Variants in MAGI1 observed in about 807,000 individuals in gnomAD.
MAGI1 encodes membrane associated guanylate kinase, WW and PDZ domain containing 1.
A neutral mutation model predicts 139.9 loss-of-function variants in MAGI1; 58 were observed. The ratio of observed to expected loss-of-function variants is 0.41; its 90% CI spans 0.34 to 0.52. MAGI1 has a LOEUF of 0.52. Ranked by LOEUF, MAGI1 falls within the 20% of genes least tolerant of loss-of-function variation. The probability of loss-of-function intolerance (pLI) is 0.12; values close to 1 mark genes in which losing one functional copy is unlikely to be tolerated. For synonymous variants in MAGI1, 812 were observed against 737.9 expected (o/e 1.10, Z -1.63); for missense variants, 1,874 against 1,901.6 (o/e 0.99, Z 0.27).
chr3:65,730,160 T>C (rs2034039183), intron 1 of MAGI1, among the ~76,000 whole-genome samples: 1 of 152,176 alleles, frequency 6.6e-6, no homozygotes, highest in Non-Finnish European at 1.5e-5. Flanking sequence ...TTTTAGGTGG[T>C]TTATCAGTTA....
intron 2 of MAGI1, among the ~76,000 whole-genome samples, chr3:65,520,371 G>A (rs1032437641): frequency 2.0e-5 from 3 of 152,084 alleles, no homozygotes; most frequent in Non-Finnish European, 4.4e-5. Context: ...TTGGGGTTTT[G>A]GAGCCAGAAA....
chr3:65,952,917 A>G (rs1193773504), intron 1 of MAGI1, among the ~76,000 whole-genome samples: 1 of 152,206 alleles, frequency 6.6e-6, no homozygotes, highest in Non-Finnish European at 1.5e-5. Context: ...AAACACTTTC[A>G]TAACACTTAC....
At chr3:65,432,024 A>G (rs1019138457) in intron 10 of MAGI1, among the ~76,000 whole-genome samples, 4 of 152,086 alleles carry the variant, frequency 2.6e-5, no homozygotes, top group Admixed American at 2.6e-4. Context: ...ATAAATTTAC[A>G]GATAGAGGTA....
At chr3:65,586,303 T>G (rs2081674801) in intron 2 of MAGI1, among the ~76,000 whole-genome samples, 1 of 152,080 alleles carries the variant, frequency 6.6e-6, no homozygotes, top group East Asian at 1.9e-4. Flanking sequence ...ATTATCCCAC[T>G]TACATGATAT....
chr3:65,417,811 C>G (rs1946339465), intron 12 of MAGI1, among the ~76,000 whole-genome samples: 1 of 152,118 alleles, frequency 6.6e-6, no homozygotes, highest in South Asian at 2.1e-4. Context: ...GCATTCAGAT[C>G]TGAAAATATT....
intron 12 of MAGI1, among the ~76,000 whole-genome samples, chr3:65,426,155 T>C (rs1947029518): frequency 2.0e-5 from 3 of 152,008 alleles, no homozygotes; most frequent in Non-Finnish European, 4.4e-5. Flanking sequence ...AGGGAGATGT[T>C]GATGAAGAGG....
chr3:65,640,479 C>T (rs1423139956), intron 1 of MAGI1, among the ~76,000 whole-genome samples: 1 of 152,164 alleles, frequency 6.6e-6, no homozygotes, highest in Admixed American at 6.5e-5. Context: ...CCTTTTCCCT[C>T]AGGTGTCCTC....
chr3:65,416,522 A>T (rs941698871), intron 12 of MAGI1, among the ~76,000 whole-genome samples: 2 of 152,204 alleles, frequency 1.3e-5, no homozygotes, highest in African/African-American at 4.8e-5. Context: ...ACCACACTGT[A>T]TTTTTGATGT....
intron 1 of MAGI1, among the ~76,000 whole-genome samples, chr3:65,724,472 G>A (rs942605678): frequency 2.0e-5 from 3 of 152,204 alleles, no homozygotes; most frequent in African/African-American, 7.2e-5. Context: ...ACCTGGATCA[G>A]ATAAATCTAT....
chr3:65,681,849 CT>C lies in MAGI1; in HGVS notation c.314-59762del, dbSNP rs537285901. 1.7e-4 allele frequency among the ~76,000 whole-genome samples: 26 copies of C among 152,098 alleles called. No individual in the cohort carries two copies. The South Asian group carries it at 5.2e-3, about 30-fold the overall frequency. ...GCAAGATGTTTAATAAGAGTTTTGG[CT>C]TTTTTTGTTTTTTTGTTGTTTTTTT... is the stretch of plus-strand genomic sequence containing the variant. On this transcript the variant is annotated intron_variant, in intron 1 of 22. Transcript: ENST00000402939.
intron 2 of MAGI1, among the ~76,000 whole-genome samples, chr3:65,516,883 A>G (rs1008221426): frequency 1.0e-5 from 1 of 98,700 alleles, no homozygotes; most frequent in African/African-American, 3.5e-5. Context: ...GCCCGCCACT[A>G]CGCCCGGCTA....
chr3:65,424,810 G>C (rs1175035425), intron 12 of MAGI1, among the ~76,000 whole-genome samples: 1 of 152,084 alleles, frequency 6.6e-6, no homozygotes, highest in African/African-American at 2.4e-5. Context: ...AACTAGAAGG[G>C]ACCGTAGAGG....
chr3:65,508,835 A>G (rs570727985), intron 2 of MAGI1, among the ~76,000 whole-genome samples: 31 of 152,318 alleles, frequency 2.0e-4, no homozygotes, highest in East Asian at 3.9e-4. Context: ...TTATCACACA[A>G]TGCTTACTGG....
chr3:65,418,768 C>T (rs541037925), intron 12 of MAGI1, among the ~76,000 whole-genome samples: 12 of 152,286 alleles, frequency 7.9e-5, no homozygotes, highest in African/African-American at 2.4e-4. Flanking sequence ...CAGATCTTCT[C>T]GAACAGCTTA....
intron 1 of MAGI1, among the ~76,000 whole-genome samples, chr3:65,983,186 A>G (rs956632448): frequency 6.6e-6 from 1 of 152,206 alleles, no homozygotes; most frequent in Admixed American, 6.5e-5. Flanking sequence ...AAAGTTCAAG[A>G]CACATCATAA....
chr3:65,945,722 C>A (rs1454572485), intron 1 of MAGI1, among the ~76,000 whole-genome samples: 1 of 152,204 alleles, frequency 6.6e-6, no homozygotes, highest in Non-Finnish European at 1.5e-5. Flanking sequence ...TCTTTTCTTG[C>A]CTATAAATTT....
chr3:65,663,876 T>G lies in MAGI1; in HGVS notation c.314-41788A>C, dbSNP rs1007963036. 1.6e-4 allele frequency among the ~76,000 whole-genome samples: 24 copies of G among 152,136 alleles called. 1 individual carries two copies. Among genetic ancestry groups the G allele is most frequent in the Admixed American group, 1.6e-3 (24 of 15,258 alleles). On this transcript the variant is annotated intron_variant, in intron 1 of 22. Coordinates refer to ENST00000402939, the MANE Select transcript of MAGI1 (RefSeq NM_001033057.2). The stretch of plus-strand genomic sequence containing the variant: ...TCTCCAGACATTGCCAGATGTCCCC[T>G]AGGGATCAAAAGCAACCCCACTGTG...
intron 1 of MAGI1, among the ~76,000 whole-genome samples, chr3:65,784,790 A>G (rs2039249941): frequency 6.6e-6 from 1 of 152,228 alleles, no homozygotes; most frequent in South Asian, 2.1e-4. Flanking sequence ...GGAAGAAGAA[A>G]TGAAGCACTG....
chr3:65,531,576 T>C (rs2107850946), intron 2 of MAGI1, among the ~76,000 whole-genome samples: 1 of 152,330 alleles, frequency 6.6e-6, no homozygotes, highest in Middle Eastern at 3.4e-3. Context: ...ATAGGTTTGC[T>C]CTCTGGCTCC....
Sources: gnomAD v4.1 joint callset for allele counts (sites outside exome capture counted in the v4.1 genomes callset) on GRCh38, gnomAD v4.1.1 for gene constraint, MANE v1.5 for transcripts, NCBI Gene and HGNC (gene_info 2026-07-23, HGNC 2026-07-21) for gene names.